KCNQ1: variants seen among roughly 807,000 people sequenced by gnomAD.
KCNQ1 encodes the protein potassium voltage-gated channel subfamily KQT member 1.
Under a neutral mutation model 72.4 loss-of-function variants are expected in KCNQ1, and 49 were observed. The ratio of observed to expected loss-of-function variants is 0.68; its 90% CI spans 0.54 to 0.86. KCNQ1 has a LOEUF of 0.86. Ranked by LOEUF, KCNQ1 falls within the 40% of genes least tolerant of loss-of-function variation. KCNQ1 has a pLI of 0.00. For synonymous variants in KCNQ1, 450 were observed against 412.6 expected (o/e 1.09, Z -1.10); for missense variants, 790 against 945.1 (o/e 0.84, Z 2.15).
chr11:2,618,133 T>A, intron 10 of KCNQ1: 1 of 398,534 alleles, frequency 2.5e-6, no homozygotes, highest in East Asian at 3.6e-5. Context: ...CCCTATGTTT[T>A]CTTCTGGTTG....
In KCNQ1 at chr11:2,715,759, C is replaced by T. The variant is rs564451117; in HGVS notation, c.1515-53085C>T. On this transcript the variant is annotated intron_variant, in intron 11 of 15. Coordinates refer to ENST00000155840, the MANE Select transcript of KCNQ1 (RefSeq NM_000218.3). This position sits in a 1 kb window ranked among gnomAD's most constrained non-coding sequence, Gnocchi z 4.9. ...CCCTGTCCCTCTGGCCACATTCCAG[C>T]TGGCCCTGCCTGTGAGGGTTGACCA... 1.1e-4 allele frequency among the ~76,000 whole-genome samples: 16 copies of T among 152,356 alleles called. No homozygotes were observed. Among genetic ancestry groups the T allele is most frequent in the Admixed American group, 1.0e-3 (16 of 15,310 alleles).
chr11:2,846,297 G>A lies in KCNQ1; in HGVS notation c.1795-1470G>A, dbSNP rs111478241. 2.5e-3 allele frequency among the ~76,000 whole-genome samples: 378 copies of A among 152,314 alleles called. 1 individual carries two copies. Among genetic ancestry groups the A allele is most frequent in the Middle Eastern group, 3.4e-3 (1 of 294 alleles). ...TTCGTGCCTCTCTCTGGAGCCATAC[G>A]TTTCCCTGAAGCAGCTCTGCTGTTC... On this transcript the variant is annotated intron_variant, in intron 15 of 15. Coordinates refer to ENST00000155840, the MANE Select transcript of KCNQ1 (RefSeq NM_000218.3).
At chr11:2,460,184 C>G (rs1846254101) in intron 1 of KCNQ1, among the ~76,000 whole-genome samples, 2 of 152,172 alleles carry the variant, frequency 1.3e-5, no homozygotes, top group Non-Finnish European at 1.5e-5. Flanking sequence ...TGTGGCCCAG[C>G]TGGGGGCAGG....
At position 2,848,168 on chromosome 11, in the gene KCNQ1, C is replaced by T. The variant is rs1848378609; in HGVS notation, c.*165C>T. ...ACCATGCTGTCTGGCACAGCCTGCA[C>T]TTGGGGGCTCAGCAAGGCCACCTCT... On this transcript the variant is annotated 3_prime_UTR_variant, in exon 16 of 16. Coordinates refer to ENST00000155840, the MANE Select transcript of KCNQ1 (RefSeq NM_000218.3). The T allele has an allele frequency of 2.7e-6, 2 of 737,392 alleles. No homozygotes were observed. Among genetic ancestry groups the T allele is most frequent in the African/African-American group, 1.7e-5 (1 of 57,604 alleles). 45.7% of individuals were successfully genotyped at this position (737,392 alleles called of 1,614,324 possible).
chr11:2,474,627 C>T (rs1010366014), intron 1 of KCNQ1, among the ~76,000 whole-genome samples: 4 of 117,846 alleles, frequency 3.4e-5, no homozygotes, highest in Middle Eastern at 4.0e-3. Flanking sequence ...GCTCTTTCAC[C>T]GCCCAGACAA....
rs1266811751 is a variant in KCNQ1 at position 2,647,270 on chromosome 11, A to G, written c.1394-14691A>G. The G allele has an allele frequency of 1.0e-5, 4 of 398,238 alleles. No homozygotes were observed. The highest frequency in any genetic ancestry group is 8.8e-5 in the Admixed American group (2 of 22,694). The allele number at this position is 398,238 out of a possible 1,614,324, so 24.7% of individuals were successfully genotyped here. A position where few individuals can be genotyped will look rare whatever the true frequency, so the allele number is the denominator to read the frequency against. ...GTCCTTCCTTCTGTTAATGTGATGT[A>G]TCACATTTATTGATTTGTATATGTT... On this transcript the variant is annotated intron_variant, in intron 10 of 15. Coordinates refer to ENST00000155840, the MANE Select transcript of KCNQ1 (RefSeq NM_000218.3). This position sits in a 1 kb window ranked among gnomAD's most constrained non-coding sequence, Gnocchi z 4.0.
intron 10 of KCNQ1, chr11:2,634,084 T>C (rs1425921883): frequency 5.0e-6 from 2 of 398,486 alleles, no homozygotes; most frequent in African/African-American, 2.1e-5. Flanking sequence ...TGTGGTTCCA[T>C]GCAAGTTTAA....
At chr11:2,640,283 C>T (rs1423454969) in intron 10 of KCNQ1, 3 of 397,938 alleles carry the variant, frequency 7.5e-6, no homozygotes, top group Admixed American at 4.4e-5. Flanking sequence ...CAGAAATCAC[C>T]CATCTTCTGC....
At chr11:2,778,877 G>A (rs1196004766) in intron 15 of KCNQ1, among the ~76,000 whole-genome samples, 5 of 152,164 alleles carry the variant, frequency 3.3e-5, no homozygotes, top group South Asian at 2.1e-4. Flanking sequence ...CCGGGCAGGC[G>A]GGGCAGGCAC....
Position 2,585,264 on chromosome 11 carries a change from A to G in KCNQ1, c.1085A>G (p.Lys362Arg), listed in dbSNP as rs12720458. 101 of 1,613,966 alleles carry G rather than the reference A, an allele frequency of 6.3e-5. No homozygotes were observed. The highest frequency in any genetic ancestry group is 8.1e-5 in the Non-Finnish European group (95 of 1,180,022). The change falls in exon 8 of 16, where the codon AAG becomes AGG. Residue 362 changes from lysine to arginine, a missense_variant. Physicochemically the swap from Lys to Arg is conservative, Grantham distance 26. Coordinates refer to ENST00000155840, the MANE Select transcript of KCNQ1 (RefSeq NM_000218.3). ...AAGGTGCAGCAGAAGCAGAGGCAGAAGCACTTCAACCGGCAGATCCCGGCG... is the reference window on the plus strand; with the variant it reads ...AAGGTGCAGCAGAAGCAGAGGCAGAGGCACTTCAACCGGCAGATCCCGGCG... ...ALKVQQKQRQ[K>R]HFNRQIPAAA...
chr11:2,756,691 A>G (rs756742542), intron 11 of KCNQ1, among the ~76,000 whole-genome samples: 9 of 152,004 alleles, frequency 5.9e-5, no homozygotes, highest in Non-Finnish European at 1.3e-4. Context: ...GCTCAAAGCA[A>G]TCCGCCCACC....
chr11:2,580,929 G>A (rs561945284), intron 6 of KCNQ1, among the ~76,000 whole-genome samples: 8 of 152,342 alleles, frequency 5.3e-5, no homozygotes, highest in South Asian at 2.1e-4. Context: ...TCTGCAGAGC[G>A]GAGGCAGAGC....
In KCNQ1 at chr11:2,445,201, C is replaced by A; in HGVS notation, c.103C>A (p.Pro35Thr). Residue 35 changes from proline (P) to threonine (T), a missense_variant, in exon 1 of 16, where the codon CCC becomes ACC. By Grantham distance (38) the Pro-to-Thr change is conservative. Around this residue, in one of 5 missense-constraint regions of KCNQ1, gnomAD observed 294 missense variants for 323.3 expected, o/e 0.91. Coordinates refer to ENST00000155840, the MANE Select transcript of KCNQ1 (RefSeq NM_000218.3). ...RGSAGLAKKC[P>T]FSLELAEGGP... ...CAGCGCGGGCCTGGCCAAGAAGTGC[C>A]CCTTCTCGCTGGAGCTGGCGGAGGG... is the stretch of plus-strand genomic sequence containing the variant. 5.2e-6 allele frequency: 6 copies of A among 1,147,788 alleles called. No homozygotes were observed. Among genetic ancestry groups the A allele is most frequent in the African/African-American group, 1.7e-5 (1 of 60,276 alleles). The allele number at this position is 1,147,788 out of a possible 1,614,324, so 71.1% of individuals were successfully genotyped here.
At position 2,563,342 on chromosome 11, in the gene KCNQ1, C is replaced by T. The variant is rs1848201490; in HGVS notation, c.478-7286C>T. ...GTGCGACCTTTCCCCGCTCTGTTCACTCGGAGACTAAAAATCCCAGATAAG... is the reference window on the plus strand; with the variant it reads ...GTGCGACCTTTCCCCGCTCTGTTCATTCGGAGACTAAAAATCCCAGATAAG... On this transcript the variant is annotated intron_variant, in intron 2 of 15. Coordinates refer to ENST00000155840, the MANE Select transcript of KCNQ1 (RefSeq NM_000218.3). The surrounding 1 kb of genome is among the most constrained non-coding windows in gnomAD (Gnocchi z 7.4). Among the ~76,000 whole-genome samples the T allele has an allele frequency of 6.6e-6, 1 of 152,240 alleles. No homozygotes were observed. The highest frequency in any genetic ancestry group is 2.1e-4 in the South Asian group (1 of 4,830).
rs1471961846 is a variant in KCNQ1, at chr11:2,635,860, C to G, written c.1394-26101C>G. On this transcript the variant is annotated intron_variant, in intron 10 of 15. Transcript: ENST00000155840. ...TGTTTGTATCCTCTTTTATTTTGTT[C>G]AGCAGTGGTTTGTACTTCTCCTTGA... 1.4e-4 allele frequency: 22 copies of G among 152,022 alleles called. 1 individual carries two copies. Among genetic ancestry groups the G allele is most frequent in the Non-Finnish European group, 4.4e-5 (3 of 68,004 alleles). 9.4% of individuals were successfully genotyped at this position (152,022 alleles called of 1,614,324 possible).
At chr11:2,553,009 T>C (rs900353268) in intron 2 of KCNQ1, among the ~76,000 whole-genome samples, 4 of 152,256 alleles carry the variant, frequency 2.6e-5, no homozygotes, top group Non-Finnish European at 5.9e-5. Context: ...TGAAATGATA[T>C]TGTTTTCTCA....
At chr11:2,633,741 A>G (rs958728093) in intron 10 of KCNQ1, 3 of 398,354 alleles carry the variant, frequency 7.5e-6, no homozygotes, top group African/African-American at 6.2e-5. Flanking sequence ...TTTTATGCCC[A>G]TTGCATGCTA....
At chr11:2,739,618 G>T (rs1426397120) in intron 11 of KCNQ1, among the ~76,000 whole-genome samples, 1 of 152,236 alleles carries the variant, frequency 6.6e-6, no homozygotes, top group Admixed American at 6.5e-5. Context: ...ACAAGAACTT[G>T]TTCTCACTCT....
intron 15 of KCNQ1, among the ~76,000 whole-genome samples, chr11:2,836,003 G>A (rs60808706): frequency 0.12 from 18,980 of 152,044 alleles, 1,877 homozygotes; most frequent in East Asian, 0.37. Context: ...CATAGGAGGC[G>A]GGGCAAAGGC....
Sources: gnomAD v4.1 joint callset for allele counts (sites outside exome capture counted in the v4.1 genomes callset) on GRCh38, gnomAD v4.1.1 for gene constraint, gnomAD v4.1.1 regional missense constraint, Gnocchi (gnomAD v3.1) non-coding constraint, MANE v1.5 for transcripts, NCBI Gene and HGNC (gene_info 2026-07-23, HGNC 2026-07-21) for gene names.